AIM2: variants seen among roughly 807,000 people sequenced by gnomAD.
The protein encoded by AIM2 is absent in melanoma 2.
A neutral mutation model predicts 27.7 loss-of-function variants in AIM2; 30 were observed. The ratio of observed to expected loss-of-function variants is 1.08; its 90% confidence interval spans 0.81 to 1.47. The LOEUF (loss-of-function observed/expected upper bound fraction) is 1.47, where lower values mean the gene tolerates loss of function less well. Ranked by LOEUF, AIM2 falls within the 40% of genes most tolerant of loss-of-function variation. The probability of loss-of-function intolerance (pLI) is 0.00; values close to 1 mark genes in which losing one functional copy is unlikely to be tolerated. For missense variants in AIM2, 358 were observed against 411.3 expected, an observed-to-expected ratio of 0.87 and a Z score of 1.12; for synonymous variants, 141 against 145.3, an observed-to-expected ratio of 0.97 and a Z score of 0.21.
intron 1 of AIM2, among the ~76,000 whole-genome samples, chr1:159,082,257 T>A (rs969148034): frequency 1.3e-5 from 2 of 152,202 alleles, no homozygotes; most frequent in African/African-American, 4.8e-5. Flanking sequence ...ATAATTATAA[T>A]AATCACATGT....
chr1:159,117,967 C>T (rs1647426126), intron 1 of AIM2, among the ~76,000 whole-genome samples: 1 of 152,124 alleles, frequency 6.6e-6, no homozygotes, highest in South Asian at 2.1e-4. Flanking sequence ...ATTGATGAAG[C>T]ATTTGAAACC....
intron 1 of AIM2, among the ~76,000 whole-genome samples, chr1:159,113,303 C>T (rs1647230552): frequency 6.6e-6 from 1 of 152,182 alleles, no homozygotes; most frequent in South Asian, 2.1e-4. Context: ...TATTTAGGAA[C>T]TCTTCCCCAG....
chr1:159,141,779 G>A (rs78838050), upstream of AIM2, among the ~76,000 whole-genome samples: 1 of 152,018 alleles, frequency 6.6e-6, no homozygotes, highest in Admixed American at 6.5e-5. Context: ...GAGCGGTGGG[G>A]GGGGACAGGG....
At chr1:159,078,587 G>GC (rs1656694156), upstream of AIM2, among the ~76,000 whole-genome samples, 2 of 152,194 alleles carry the variant, frequency 1.3e-5, no homozygotes, top group Admixed American at 6.5e-5. Flanking sequence ...AAGCTGGGAA[G>GC]TGGTCTCAAT....
At chr1:159,144,098 C>T (rs1030906315), upstream of AIM2, among the ~76,000 whole-genome samples, 3 of 152,214 alleles carry the variant, frequency 2.0e-5, no homozygotes, top group Non-Finnish European at 4.4e-5. Context: ...GGGGCACTAA[C>T]ATATGCTACT....
chr1:159,078,608 T>G (rs1656694888), upstream of AIM2, among the ~76,000 whole-genome samples: 1 of 152,122 alleles, frequency 6.6e-6, no homozygotes, highest in Non-Finnish European at 1.5e-5. Flanking sequence ...GAGGAGCAGG[T>G]ACACTGCTGC....
rs754337372 is a variant in AIM2, at chr1:159,063,657, TTTC to T, written c.831_833del (p.Lys278del). 3.1e-6 allele frequency: 5 copies of T among 1,612,204 alleles called. No individual in the cohort carries two copies. Among genetic ancestry groups the T allele is most frequent in the Admixed American group, 1.7e-5 (1 of 59,576 alleles). On this transcript the variant is annotated inframe_deletion, in exon 5 of 6. Coordinates refer to ENST00000368130, the MANE Select transcript of AIM2 (RefSeq NM_004833.3). ...TGTCACTTAGGTCAAATAATATGTT[TTTC>T]TTCTTTTCTGTTACCTATAAAAGAA...
chr1:159,134,839 A>T (rs570949452), intron 1 of AIM2, among the ~76,000 whole-genome samples: 1 of 152,286 alleles, frequency 6.6e-6, no homozygotes, highest in East Asian at 1.9e-4. Context: ...TGAAAAAAAG[A>T]AAGAAAGAAA....
chr1:159,130,346 C>A (rs780817772), intron 1 of AIM2, among the ~76,000 whole-genome samples: 10 of 152,226 alleles, frequency 6.6e-5, no homozygotes, highest in Non-Finnish European at 1.5e-4. Flanking sequence ...ACCTAGATTT[C>A]TCTTCACAGT....
At chr1:159,068,482 G>C (rs1656208123) in intron 3 of AIM2, 86 bp downstream of exon 3, 1 of 1,482,736 alleles carries the variant, frequency 6.7e-7, no homozygotes, top group Non-Finnish European at 9.0e-7. Flanking sequence ...CATGCTGTGA[G>C]ATAAAGAACA....
downstream of AIM2, among the ~76,000 whole-genome samples, chr1:159,058,447 C>G (rs1655724396): frequency 6.6e-6 from 1 of 151,628 alleles, no homozygotes; most frequent in South Asian, 2.1e-4. Flanking sequence ...CAGCCATGTA[C>G]CTGGGGCACC....
At chr1:159,120,652 T>C (rs539815332) in intron 1 of AIM2, among the ~76,000 whole-genome samples, 4 of 152,214 alleles carry the variant, frequency 2.6e-5, no homozygotes, top group Non-Finnish European at 4.4e-5. Context: ...AAGCACTCAA[T>C]TGCAAGGAAA....
chr1:159,120,730 C>T (rs1647515718), intron 1 of AIM2, among the ~76,000 whole-genome samples: 1 of 152,074 alleles, frequency 6.6e-6, no homozygotes, highest in Non-Finnish European at 1.5e-5. Context: ...TAGAGCCCAG[C>T]GTGACTGTTG....
chr1:159,111,357 T>C (rs1657568580), intron 1 of AIM2, among the ~76,000 whole-genome samples: 1 of 152,232 alleles, frequency 6.6e-6, no homozygotes, highest in African/African-American at 2.4e-5. Flanking sequence ...AAAATAGACG[T>C]TGTTATTTAA....
intron 2 of AIM2, 96 bp downstream of exon 2, chr1:159,073,142 A>G (rs1570946045): frequency 5.5e-6 from 8 of 1,464,932 alleles, no homozygotes; most frequent in Non-Finnish European, 7.5e-6. Flanking sequence ...AATTCCAACA[A>G]TGTGCACTGG....
At chr1:159,062,805 G>T in intron 5 of AIM2, 87 bp from the exon 6 acceptor site, 2 of 1,208,448 alleles carry the variant, frequency 1.7e-6, no homozygotes, top group Non-Finnish European at 2.4e-6. Flanking sequence ...CTTCTGAAGT[G>T]TATGTATCAT....
chr1:159,059,131 A>G (rs1286547196), downstream of AIM2, among the ~76,000 whole-genome samples: 1 of 152,224 alleles, frequency 6.6e-6, no homozygotes, highest in Non-Finnish European at 1.5e-5. Flanking sequence ...CTGCCGTCAA[A>G]GAGTGAAATA....
chr1:159,111,106 A>G (rs977439622), intron 1 of AIM2, among the ~76,000 whole-genome samples: 4 of 152,096 alleles, frequency 2.6e-5, no homozygotes, highest in Admixed American at 2.6e-4. Flanking sequence ...ATTAGACAAA[A>G]CCACCCTAGT....
At chr1:159,090,058 G>T (rs763147605) in intron 1 of AIM2, among the ~76,000 whole-genome samples, 2 of 152,172 alleles carry the variant, frequency 1.3e-5, no homozygotes, top group African/African-American at 2.4e-5. Context: ...GAGGTTCAAG[G>T]TCACAGCCTT....
Sources: allele counts gnomAD v4.1 joint callset (sites outside exome capture counted in the v4.1 genomes callset), GRCh38; gene constraint gnomAD v4.1.1; transcripts MANE v1.5; gene names NCBI Gene and HGNC (gene_info 2026-07-23, HGNC 2026-07-21).